Variants in PARP8 observed in about 807,000 individuals in gnomAD.
PARP8 encodes poly(ADP-ribose) polymerase family member 8.
PARP8 carries 51 observed loss-of-function variants against 124.1 expected under a neutral mutation model. The ratio of observed to expected loss-of-function variants is 0.41; its 90% CI spans 0.33 to 0.52. PARP8 has a LOEUF of 0.52. PARP8 is among the 20% of genes least tolerant of loss of function. PARP8 has a pLI of 0.21. For missense variants in PARP8, 860 were observed against 1,018.9 expected, an observed-to-expected ratio of 0.84 and a Z score of 2.12; for synonymous variants, 391 against 361.5, an observed-to-expected ratio of 1.08 and a Z score of -0.93.
chr5:50,794,222 T>A lies in PARP8; in HGVS notation c.753T>A (p.Phe251Leu). Reference protein sequence around the residue: ...GHQLKKIMQTFVTQQWKQSKE... With the variant: ...GHQLKKIMQTLVTQQWKQSKE... ...GGATTGACAGAATCATGCAGACATT[T>A]GTTACACAGCAGTGGAAACAGAGCA... Residue 251 changes from phenylalanine (F) to leucine (L), a missense_variant, in exon 11 of 26, where the codon TTT (phenylalanine) becomes TTA (leucine). Phe to Leu is a conservative substitution (Grantham distance 22). Around this residue, in one of 2 missense-constraint regions of PARP8, gnomAD observed 517 missense variants for 544.2 expected, o/e 0.95. Transcript: ENST00000281631. 1 of 1,612,256 alleles carries A rather than the reference T, an allele frequency of 6.2e-7. No individual in the cohort carries two copies. Among genetic ancestry groups the A allele is most frequent in the Non-Finnish European group, 8.5e-7 (1 of 1,178,990 alleles).
At chr5:50,807,684 T>G (rs1409503778) in intron 14 of PARP8, among the ~76,000 whole-genome samples, 3 of 152,134 alleles carry the variant, frequency 2.0e-5, no homozygotes, top group Admixed American at 2.0e-4. Context: ...TGTGAACTGC[T>G]GAACTCTGCT....
chr5:50,674,052 A>G (rs1393377734), intron 2 of PARP8, among the ~76,000 whole-genome samples: 1 of 152,152 alleles, frequency 6.6e-6, no homozygotes, highest in Non-Finnish European at 1.5e-5. Flanking sequence ...CTGAAATTCC[A>G]TCTTTCGTGT....
intron 2 of PARP8, among the ~76,000 whole-genome samples, chr5:50,676,424 T>C (rs1431270659): frequency 6.6e-6 from 1 of 152,256 alleles, no homozygotes; most frequent in Non-Finnish European, 1.5e-5. Context: ...TCTCACTAGT[T>C]ATACTGAATT....
chr5:50,829,961 G>A lies in PARP8; in HGVS notation c.2233G>A (p.Gly745Arg). The change falls in exon 22 of 26, where the codon GGG (glycine) becomes AGG (arginine). Residue 745 changes from glycine to arginine, a missense_variant and splice_region_variant. By Grantham distance (125) the Gly-to-Arg change is moderately radical. Transcript: ENST00000281631. Reference sequence around the variant, plus strand: ...GTCAAGCATATCATTTGGTTACTCAGGTAATTCCTGTATTTCATTTCTAAA... The same window carrying A: ...GTCAAGCATATCATTTGGTTACTCAAGTAATTCCTGTATTTCATTTCTAAA... ...PMSSISFGYS[G>R]MNKKQKVSAK... 6.2e-7 allele frequency: 1 copy of A among 1,603,336 alleles called. No individual in the cohort carries two copies. The highest frequency in any genetic ancestry group is 8.5e-7 in the Non-Finnish European group (1 of 1,174,184).
chr5:50,670,463 A>C (rs536517321), intron 2 of PARP8, among the ~76,000 whole-genome samples: 1 of 152,356 alleles, frequency 6.6e-6, no homozygotes, highest in South Asian at 2.1e-4. Flanking sequence ...ACATGTTACT[A>C]TTAAAAAAAA....
chr5:50,748,528 C>T (rs1309034106), intron 2 of PARP8, among the ~76,000 whole-genome samples: 1 of 152,106 alleles, frequency 6.6e-6, no homozygotes, highest in Non-Finnish European at 1.5e-5. Flanking sequence ...TTGTTTAAGA[C>T]TTCTTATACT....
At chr5:50,804,492 C>T (rs762861977) in intron 14 of PARP8, among the ~76,000 whole-genome samples, 11 of 152,080 alleles carry the variant, frequency 7.2e-5, no homozygotes, top group African/African-American at 1.4e-4. Flanking sequence ...AGTGTTTACC[C>T]GGAGATAACT....
Position 50,667,110 on chromosome 5 carries a change from A to C in PARP8, c.15A>C (p.Ser5=). 6.3e-7 allele frequency: 1 copy of C among 1,596,302 alleles called. No individual in the cohort carries two copies. The highest frequency in any genetic ancestry group is 8.5e-7 in the Non-Finnish European group (1 of 1,179,734). The change falls in exon 1 of 26, where the codon TCA becomes TCC. Residue 5 remains serine (S), a synonymous_variant. Coordinates refer to ENST00000281631, the MANE Select transcript of PARP8 (RefSeq NM_024615.4). ...GGATTTATTTAATGGGGATGTGTTC[A>C]AGGCAAGAGCGAATTCAGAAGGATA... The part of the protein sequence containing the change: MGMC[S]RQERIQKDID...
chr5:50,730,709 A>G (rs1486691528), intron 2 of PARP8, among the ~76,000 whole-genome samples: 2 of 152,342 alleles, frequency 1.3e-5, no homozygotes, highest in East Asian at 3.9e-4. Context: ...AGTTGATGGA[A>G]TATTTATTGA....
intron 2 of PARP8, among the ~76,000 whole-genome samples, chr5:50,747,983 C>G (rs1391921807): frequency 6.6e-6 from 1 of 151,764 alleles, no homozygotes; most frequent in East Asian, 1.9e-4. Context: ...TTTATCCATT[C>G]TGGTAATCTT....
intron 2 of PARP8, among the ~76,000 whole-genome samples, chr5:50,678,007 T>C (rs1307245752): frequency 6.6e-6 from 1 of 152,184 alleles, no homozygotes; most frequent in Middle Eastern, 3.4e-3. Context: ...TTTTATTCAG[T>C]AAAAGTGCCT....
chr5:50,736,196 A>T (rs1757459229), intron 2 of PARP8, among the ~76,000 whole-genome samples: 1 of 152,142 alleles, frequency 6.6e-6, no homozygotes, highest in Non-Finnish European at 1.5e-5. Context: ...ATAAATCCAT[A>T]CAGAGGGTAA....
At chr5:50,771,674 G>GATAA in intron 7 of PARP8, among the ~76,000 whole-genome samples, 1 of 152,214 alleles carries the variant, frequency 6.6e-6, no homozygotes, top group African/African-American at 2.4e-5. Flanking sequence ...ATAGTCGATA[G>GATAA]AAATTTTTAT....
intron 25 of PARP8, among the ~76,000 whole-genome samples, chr5:50,840,279 AC>A (rs1428738409): frequency 5.9e-5 from 9 of 151,844 alleles, no homozygotes; most frequent in African/African-American, 2.2e-4. Context: ...TAATTTAAAA[AC>A]CCACTAGTTA....
intron 2 of PARP8, among the ~76,000 whole-genome samples, chr5:50,697,416 A>C (rs1753150871): frequency 6.6e-6 from 1 of 152,262 alleles, no homozygotes; most frequent in African/African-American, 2.4e-5. Flanking sequence ...AGGATTTTAA[A>C]GAAGAAAATC....
chr5:50,692,715 T>A (rs1561252335), intron 2 of PARP8, among the ~76,000 whole-genome samples: 1 of 152,140 alleles, frequency 6.6e-6, no homozygotes, highest in Non-Finnish European at 1.5e-5. Context: ...TTCCCTCTAA[T>A]CCATTAGACT....
chr5:50,823,373 G>A (rs1580466113), intron 17 of PARP8, among the ~76,000 whole-genome samples: 1 of 151,976 alleles, frequency 6.6e-6, no homozygotes, highest in East Asian at 1.9e-4. Context: ...TCAAATATTC[G>A]TTCATTCACT....
chr5:50,787,856 T>C (rs1454036578), intron 9 of PARP8, among the ~76,000 whole-genome samples: 1 of 150,562 alleles, frequency 6.6e-6, no homozygotes, highest in African/African-American at 2.4e-5. Flanking sequence ...TTTAGTTTAG[T>C]ATTTTTATAC....
chr5:50,684,451 G>C (rs35297691), intron 2 of PARP8, among the ~76,000 whole-genome samples: 111,440 of 151,612 alleles, frequency 0.74, 42,666 homozygotes, highest in East Asian at 0.95. Context: ...TATGAAATCA[G>C]GGGCTGAAAA....
Sources: allele counts gnomAD v4.1 joint callset (sites outside exome capture counted in the v4.1 genomes callset), GRCh38; gene constraint gnomAD v4.1.1; regional missense constraint gnomAD v4.1.1; transcripts MANE v1.5; gene names NCBI Gene and HGNC (gene_info 2026-07-23, HGNC 2026-07-21).